AMBRA1: variants seen among roughly 807,000 people sequenced by gnomAD.
AMBRA1 encodes autophagy and beclin 1 regulator 1, also known as activating molecule in BECN1-regulated autophagy protein 1.
In AMBRA1, 47 loss-of-function variants were observed where a neutral mutation model predicts 125.4. That is an observed-to-expected ratio of 0.37 (90% CI 0.30 to 0.48). AMBRA1 has a LOEUF of 0.48. AMBRA1 is among the 20% of genes least tolerant of loss of function. The pLI is 0.99. For missense variants in AMBRA1, 1,331 were observed against 1,693.4 expected (o/e 0.79, Z 3.76); for synonymous variants, 626 against 655.5 (o/e 0.95, Z 0.69).
chr11:46,424,452 A>C (rs1947014466), intron 14 of AMBRA1, among the ~76,000 whole-genome samples: 1 of 152,124 alleles, frequency 6.6e-6, no homozygotes, highest in Non-Finnish European at 1.5e-5. Context: ...TCCAAAGGCC[A>C]CCCCTGGCCA....
chr11:46,473,683 G>A (rs552761911), intron 11 of AMBRA1, among the ~76,000 whole-genome samples: 286 of 152,236 alleles, frequency 1.9e-3, no homozygotes, highest in African/African-American at 6.7e-3. Context: ...ACGGAGTCTC[G>A]CACTGTCGCC....
rs567743287 is a variant in AMBRA1, at chr11:46,420,838, T to C, written c.2977-2786A>G. On this transcript the variant is annotated intron_variant, in intron 14 of 17. Transcript: ENST00000683756. ...CCCCTGAAACTACAATGATTTATAA[T>C]TGTAGGGAATGGGGCAAAAGGGCCA... is the stretch of plus-strand genomic sequence containing the variant. 5.3e-5 allele frequency among the ~76,000 whole-genome samples: 8 copies of C among 152,100 alleles called. No individual in the cohort carries two copies. In the South Asian group the frequency reaches 1.2e-3, roughly 24 times the overall value.
intron 7 of AMBRA1, among the ~76,000 whole-genome samples, chr11:46,536,352 T>C (rs145536075): frequency 5.1e-4 from 78 of 152,218 alleles, no homozygotes; most frequent in African/African-American, 1.7e-3. Context: ...CTAGTACACA[T>C]GCAACAAAGA....
intron 14 of AMBRA1, chr11:46,429,091 G>C (rs1590784825): frequency 6.2e-7 from 1 of 1,608,930 alleles, no homozygotes; most frequent in Non-Finnish European, 8.5e-7. Flanking sequence ...TGGCCACCAT[G>C]ACTCCCTCCT....
intron 1 of AMBRA1, among the ~76,000 whole-genome samples, chr11:46,591,993 T>C (rs1015989254): frequency 6.9e-6 from 1 of 144,064 alleles, no homozygotes; most frequent in African/African-American, 2.7e-5. Flanking sequence ...TTGCCTAGGC[T>C]GGAGTGCAAC....
chr11:46,550,989 C>T (rs1365520759), intron 1 of AMBRA1, among the ~76,000 whole-genome samples: 4 of 147,456 alleles, frequency 2.7e-5, no homozygotes, highest in African/African-American at 1.0e-4. Context: ...CCCAGCTACT[C>T]AGGAGGCTGA....
chr11:46,425,743 G>A (rs1337247476), intron 14 of AMBRA1, among the ~76,000 whole-genome samples: 2 of 152,092 alleles, frequency 1.3e-5, no homozygotes, highest in African/African-American at 4.8e-5. Flanking sequence ...GGAGGCTGAG[G>A]CAGGAAAATC....
At chr11:46,433,272 G>A (rs572752617) in intron 14 of AMBRA1, among the ~76,000 whole-genome samples, 2 of 152,326 alleles carry the variant, frequency 1.3e-5, no homozygotes, top group South Asian at 4.1e-4. Context: ...ATTCTAGGGT[G>A]TGAGGAAAGG....
chr11:46,564,034 C>G (rs1236713523), intron 1 of AMBRA1, among the ~76,000 whole-genome samples: 1 of 150,530 alleles, frequency 6.6e-6, no homozygotes. Flanking sequence ...ATCCCAACTA[C>G]TTGGGAGGCT....
chr11:46,438,364 G>A (rs902457860), intron 12 of AMBRA1, among the ~76,000 whole-genome samples: 1 of 152,194 alleles, frequency 6.6e-6, no homozygotes, highest in African/African-American at 2.4e-5. Context: ...AATGGGAGGG[G>A]TTAGAAATAC....
At chr11:46,572,013 A>C (rs2043779112) in intron 1 of AMBRA1, among the ~76,000 whole-genome samples, 1 of 152,126 alleles carries the variant, frequency 6.6e-6, no homozygotes, top group Non-Finnish European at 1.5e-5. Flanking sequence ...TTAAAAAGTT[A>C]GATTCACAGC....
intron 17 of AMBRA1, among the ~76,000 whole-genome samples, chr11:46,407,875 C>T (rs1946098974): frequency 6.6e-6 from 1 of 152,166 alleles, no homozygotes; most frequent in Non-Finnish European, 1.5e-5. Flanking sequence ...AGGATAGCAA[C>T]TGAGTGAGAA....
Position 46,516,944 on chromosome 11 carries a change from A to G in AMBRA1, c.2073-4131T>C, listed in dbSNP as rs79193955. Among the ~76,000 whole-genome samples, 3 of 149,278 alleles carry G rather than the reference A, an allele frequency of 2.0e-5. No individual in the cohort carries two copies. In the South Asian group the frequency reaches 6.3e-4, roughly 32 times the overall value. ...GAAGCTGCTATCACTGAAGCTGAAG[A>G]AAAAAAAAATACAAAAACACAATAC... On this transcript the variant is annotated intron_variant, in intron 7 of 17. Transcript: ENST00000683756.
At chr11:46,429,026 T>C (rs1021157499) in intron 14 of AMBRA1, 2 of 1,611,696 alleles carry the variant, frequency 1.2e-6, no homozygotes, top group Non-Finnish European at 1.7e-6. Flanking sequence ...GACATGAAGG[T>C]TGGGCACATT....
intron 1 of AMBRA1, among the ~76,000 whole-genome samples, chr11:46,551,818 A>C (rs1191383982): frequency 6.6e-6 from 1 of 152,224 alleles, no homozygotes; most frequent in African/African-American, 2.4e-5. Flanking sequence ...ACCTGAGGTC[A>C]GGAGTTCGAG....
Position 46,542,165 on chromosome 11 carries a change from G to T in AMBRA1, c.1852C>A (p.Pro618Thr). ...GTTTGGCCCTCAGTCCGCTCGAGAG[G>T]TGGCAACTGGCTGCCACTTGATGGC... ...SVPSSGSQLPPLERTEGQTPS... is the reference protein window; with the variant it reads ...SVPSSGSQLPTLERTEGQTPS... The change falls in exon 7 of 18, where the codon CCT (proline) becomes ACT (threonine). Residue 618 changes from proline to threonine, a missense_variant. Pro to Thr is a conservative substitution (Grantham distance 38, BLOSUM62 -1). Around this residue, in one of 4 missense-constraint regions of AMBRA1, gnomAD observed 689 missense variants for 776.5 expected, o/e 0.89. Coordinates refer to ENST00000683756, the MANE Select transcript of AMBRA1 (RefSeq NM_001387011.1). This position sits in a 1 kb window ranked among gnomAD's most constrained non-coding sequence, Gnocchi z 5.9. The T allele has an allele frequency of 6.2e-7, 1 of 1,613,734 alleles. No homozygotes were observed. The highest frequency in any genetic ancestry group is 8.5e-7 in the Non-Finnish European group (1 of 1,179,786).
At chr11:46,417,875 C>A in intron 15 of AMBRA1, 38 bp downstream of exon 15, 2 of 1,567,026 alleles carry the variant, frequency 1.3e-6, no homozygotes, top group Admixed American at 1.7e-5. Context: ...GTCCTCGGCC[C>A]CAGTGATCCC....
chr11:46,535,183 T>C (rs1392499600), intron 7 of AMBRA1, among the ~76,000 whole-genome samples: 1 of 152,218 alleles, frequency 6.6e-6, no homozygotes, highest in Non-Finnish European at 1.5e-5. Context: ...TATTTGTCCT[T>C]AAATGCCGAA....
At chr11:46,500,016 AAT>A in intron 9 of AMBRA1, among the ~76,000 whole-genome samples, 1 of 152,158 alleles carries the variant, frequency 6.6e-6, no homozygotes. Flanking sequence ...AAGCTACAAG[AAT>A]CTGAGGTTAT....
Sources: allele counts gnomAD v4.1 joint callset (sites outside exome capture counted in the v4.1 genomes callset), GRCh38; gene constraint gnomAD v4.1.1; regional missense constraint gnomAD v4.1.1; non-coding constraint Gnocchi (gnomAD v3.1); transcripts MANE v1.5; gene names NCBI Gene and HGNC (gene_info 2026-07-23, HGNC 2026-07-21).